Variants in APCDD1L observed in about 807,000 individuals in gnomAD.
The protein encoded by APCDD1L is APC down-regulated 1 like, also known as protein APCDD1-like.
In APCDD1L, 21 loss-of-function variants were observed where a neutral mutation model predicts 24.2. The observed-to-expected ratio is 0.87, with a 90% CI of 0.61 to 1.25. The LOEUF is 1.25. APCDD1L is among the 50% of genes most tolerant of loss of function. APCDD1L has a pLI of 0.00. For synonymous variants in APCDD1L, 321 were observed against 323.6 expected (o/e 0.99, Z 0.09); for missense variants, 704 against 711.7 (o/e 0.99, Z 0.12).
rs1431305984 is a variant in APCDD1L at position 58,497,973 on chromosome 20, G to A, written c.49+16686C>T. Among the ~76,000 whole-genome samples, 1 of 152,054 alleles carries A rather than the reference G, an allele frequency of 6.6e-6. No homozygotes were observed. Among genetic ancestry groups the A allele is most frequent in the African/African-American group, 2.4e-5 (1 of 41,378 alleles). On this transcript the variant is annotated intron_variant, in intron 1 of 3. Coordinates refer to ENST00000371149, the MANE Select transcript of APCDD1L (RefSeq NM_153360.3). This position sits in a 1 kb window ranked among gnomAD's most constrained non-coding sequence, Gnocchi z 4.3. Reference sequence around the variant, plus strand: ...GCATCTCTCCAGATCTTTTCCTCTGGGGGCATATGCATAAATATATGTCCC... The same window carrying A: ...GCATCTCTCCAGATCTTTTCCTCTGAGGGCATATGCATAAATATATGTCCC...
At chr20:58,484,687 A>C (rs1284412853) in intron 1 of APCDD1L, among the ~76,000 whole-genome samples, 1 of 152,234 alleles carries the variant, frequency 6.6e-6, no homozygotes, top group Non-Finnish European at 1.5e-5. Flanking sequence ...GAGATGATGC[A>C]GGGGCAGAAG....
chr20:58,487,223 T>A (rs761435475), intron 1 of APCDD1L, among the ~76,000 whole-genome samples: 1 of 152,258 alleles, frequency 6.6e-6, no homozygotes, highest in East Asian at 1.9e-4. Flanking sequence ...AACAGAAGTA[T>A]GTAATTTGGA....
intron 1 of APCDD1L, among the ~76,000 whole-genome samples, chr20:58,489,001 G>A (rs2123166533): frequency 6.6e-6 from 1 of 151,680 alleles, no homozygotes; most frequent in East Asian, 1.9e-4. Flanking sequence ...AAGAAGAGTG[G>A]GTGAGTAGGG....
intron 1 of APCDD1L, among the ~76,000 whole-genome samples, chr20:58,501,443 T>C (rs1265987184): frequency 6.6e-6 from 1 of 152,110 alleles, no homozygotes; most frequent in Non-Finnish European, 1.5e-5. Context: ...CACAGAATAA[T>C]GGCCGTAGAG....
At position 58,497,174 on chromosome 20, in the gene APCDD1L, G is replaced by A. The variant is rs1568749854; in HGVS notation, c.49+17485C>T. Among the ~76,000 whole-genome samples, 1 of 151,752 alleles carries A rather than the reference G, an allele frequency of 6.6e-6. No homozygotes were observed. The highest frequency in any genetic ancestry group is 1.5e-5 in the Non-Finnish European group (1 of 67,920). On this transcript the variant is annotated intron_variant, in intron 1 of 3. Coordinates refer to ENST00000371149, the MANE Select transcript of APCDD1L (RefSeq NM_153360.3). The surrounding 1 kb of genome is among the most constrained non-coding windows in gnomAD (Gnocchi z 4.3). ...ATGAGGAGGGGGTTGGCGGGAGTAT[G>A]GGAGCTGGTGAAAGGGGCCTCCTGG... is the stretch of plus-strand genomic sequence containing the variant.
chr20:58,511,995 C>T (rs1990637617), intron 1 of APCDD1L, among the ~76,000 whole-genome samples: 1 of 152,168 alleles, frequency 6.6e-6, no homozygotes, highest in African/African-American at 2.4e-5. Flanking sequence ...TTTTTAAAAG[C>T]CAGAAATTGC....
intron 1 of APCDD1L, among the ~76,000 whole-genome samples, chr20:58,477,785 G>A (rs907461988): frequency 2.6e-5 from 4 of 151,998 alleles, no homozygotes; most frequent in Non-Finnish European, 5.9e-5. Context: ...CACTCTTTCT[G>A]AGTTTATTTT....
Position 58,461,679 on chromosome 20 carries a change from C to T in APCDD1L, c.742-125G>A. ...GTGAGGTGCGGCCTGTCCCTCCCTC[C>T]TCTCTCTCCTCACTCCCTGCCTTCA... On this transcript the variant is annotated intron_variant, in intron 3 of 3. Coordinates refer to ENST00000371149, the MANE Select transcript of APCDD1L (RefSeq NM_153360.3). This position sits in a 1 kb window ranked among gnomAD's most constrained non-coding sequence, Gnocchi z 6.0. 1 of 971,642 alleles carries T rather than the reference C, an allele frequency of 1.0e-6. No homozygotes were observed. The highest frequency in any genetic ancestry group is 1.4e-6 in the Non-Finnish European group (1 of 735,158). The allele number at this position is 971,642 out of a possible 1,614,324, so 60.2% of individuals were successfully genotyped here.
At chr20:58,496,789 G>T (rs543111355) in intron 1 of APCDD1L, among the ~76,000 whole-genome samples, 59 of 152,260 alleles carry the variant, frequency 3.9e-4, no homozygotes, top group African/African-American at 1.4e-3. Context: ...GAGTGGAACT[G>T]TGCATGGGAG....
intron 1 of APCDD1L, 136 bp from the exon 2 acceptor site, chr20:58,470,883 G>A: frequency 7.8e-7 from 1 of 1,287,564 alleles, no homozygotes; most frequent in Non-Finnish European, 1.0e-6. Context: ...CCCGTCCCCA[G>A]GGTGCCCCAG....
chr20:58,475,595 C>T lies in APCDD1L; in HGVS notation c.50-4848G>A, dbSNP rs530478370. On this transcript the variant is annotated intron_variant, in intron 1 of 3. Transcript: ENST00000371149. ...TGGCCTGAGGGTGGTGCACGGAAGA[C>T]GGAGGGAGGAGCAGCTCAAGGTGAA... is the stretch of plus-strand genomic sequence containing the variant. Among the ~76,000 whole-genome samples, 8 of 152,148 alleles carry T rather than the reference C, an allele frequency of 5.3e-5. No homozygotes were observed. The South Asian group carries it at 8.3e-4, about 16-fold the overall frequency.
intron 2 of APCDD1L, among the ~76,000 whole-genome samples, chr20:58,469,667 T>G (rs943243048): frequency 2.0e-5 from 3 of 152,206 alleles, no homozygotes; most frequent in Admixed American, 6.5e-5. Flanking sequence ...GGGGGCTGTG[T>G]GCAGCCTGGC....
intron 1 of APCDD1L, among the ~76,000 whole-genome samples, chr20:58,476,896 C>T (rs1166180426): frequency 1.3e-5 from 2 of 152,200 alleles, no homozygotes; most frequent in African/African-American, 4.8e-5. Context: ...TCTCCATCTT[C>T]GCGGAGATCT....
At chr20:58,498,721 T>G (rs1429148147) in intron 1 of APCDD1L, among the ~76,000 whole-genome samples, 1 of 152,224 alleles carries the variant, frequency 6.6e-6, no homozygotes, top group Non-Finnish European at 1.5e-5. Flanking sequence ...GCAGTCAGCC[T>G]CCCTGGTTGC....
intron 3 of APCDD1L, among the ~76,000 whole-genome samples, chr20:58,465,088 C>T (rs945780931): frequency 1.2e-4 from 19 of 152,124 alleles, no homozygotes; most frequent in African/African-American, 2.4e-4. Flanking sequence ...CCACAGCCCC[C>T]GGGGATCTGT....
At chr20:58,499,547 G>A (rs905993301) in intron 1 of APCDD1L, among the ~76,000 whole-genome samples, 2 of 152,118 alleles carry the variant, frequency 1.3e-5, no homozygotes, top group African/African-American at 2.4e-5. Flanking sequence ...CCACTTCCTT[G>A]CCCTCAAGAG....
chr20:58,475,281 G>A lies in APCDD1L; in HGVS notation c.50-4534C>T, dbSNP rs1382883272. The stretch of plus-strand genomic sequence containing the variant: ...GTAATCTGCTTGTTCTGAGGTTCTC[G>A]AAGCAAGGCACGAACGAACACAGGG... On this transcript the variant is annotated intron_variant, in intron 1 of 3. Coordinates refer to ENST00000371149, the MANE Select transcript of APCDD1L (RefSeq NM_153360.3). Among the ~76,000 whole-genome samples the A allele has an allele frequency of 2.6e-5, 4 of 152,092 alleles. No homozygotes were observed. In the East Asian group the frequency reaches 5.8e-4, roughly 22 times the overall value.
At position 58,459,556 on chromosome 20, in the gene APCDD1L, AG is replaced by A. The variant is rs1390339379; in HGVS notation, c.*1233del. ...AGGAGGGGGTGAGTCATTGGCCCCC[AG>A]TCCTGAAAACCCTTGGGCCCACCAG... On this transcript the variant is annotated 3_prime_UTR_variant, in exon 4 of 4. Coordinates refer to ENST00000371149, the MANE Select transcript of APCDD1L (RefSeq NM_153360.3). 3.0e-4 allele frequency: 45 copies of A among 152,542 alleles called. No individual in the cohort carries two copies. The highest frequency in any genetic ancestry group is 9.4e-4 in the African/African-American group (39 of 41,576). 9.4% of individuals were successfully genotyped at this position (152,542 alleles called of 1,614,324 possible).
intron 1 of APCDD1L, chr20:58,514,046 A>C (rs1467825659): frequency 2.8e-6 from 3 of 1,052,894 alleles, no homozygotes; most frequent in African/African-American, 3.4e-5. Context: ...CCTACTCCCC[A>C]CCCCCACGAA....
Sources: allele counts gnomAD v4.1 joint callset (sites outside exome capture counted in the v4.1 genomes callset), GRCh38; gene constraint gnomAD v4.1.1; non-coding constraint Gnocchi (gnomAD v3.1); transcripts MANE v1.5; gene names NCBI Gene and HGNC (gene_info 2026-07-23, HGNC 2026-07-21).